The following SGMS1 variants were observed in gnomAD, a reference collection of about 807,000 sequenced individuals.
SGMS1 encodes the protein sphingomyelin synthase 1, also known as phosphatidylcholine:ceramide cholinephosphotransferase 1.
In SGMS1, 13 loss-of-function variants were observed where a neutral mutation model predicts 46.2. The ratio of observed to expected loss-of-function variants is 0.28; its 90% CI spans 0.18 to 0.45. SGMS1 has a LOEUF of 0.45. Among genes scored for constraint, SGMS1 ranks in the 20% least tolerant of loss-of-function variants. The probability of loss-of-function intolerance (pLI) is 1.00; values close to 1 mark genes in which losing one functional copy is unlikely to be tolerated. For missense variants in SGMS1, 324 were observed against 519.9 expected, an observed-to-expected ratio of 0.62 and a Z score of 3.66; for synonymous variants, 203 against 187.8, an observed-to-expected ratio of 1.08 and a Z score of -0.66.
At chr10:50,609,408 G>C (rs893205130) in intron 1 of SGMS1, among the ~76,000 whole-genome samples, 11 of 151,988 alleles carry the variant, frequency 7.2e-5, no homozygotes, top group Admixed American at 7.2e-4. Context: ...CCTGACTCTT[G>C]CCTTGGTAGA....
intron 7 of SGMS1, among the ~76,000 whole-genome samples, chr10:50,338,147 T>C (rs541106601): frequency 9.2e-5 from 14 of 152,298 alleles, no homozygotes; most frequent in African/African-American, 3.1e-4. Flanking sequence ...TCAGAGAAAA[T>C]TGTCACCCAC....
intron 3 of SGMS1, among the ~76,000 whole-genome samples, chr10:50,503,563 A>G (rs1323929041): frequency 2.0e-5 from 3 of 151,898 alleles, no homozygotes; most frequent in African/African-American, 7.3e-5. Flanking sequence ...ACCTACCCAC[A>G]TCTTATAAAA....
chr10:50,485,008 C>T (rs777346907), intron 3 of SGMS1, among the ~76,000 whole-genome samples: 2 of 152,288 alleles, frequency 1.3e-5, no homozygotes, highest in African/African-American at 2.4e-5. Context: ...CCCTCTCTCA[C>T]CACTCGTATT....
At chr10:50,573,787 C>A (rs1838356485) in intron 2 of SGMS1, among the ~76,000 whole-genome samples, 1 of 152,054 alleles carries the variant, frequency 6.6e-6, no homozygotes, top group East Asian at 1.9e-4. Context: ...TATGAAGCTA[C>A]AGTAATGAAA....
intron 3 of SGMS1, among the ~76,000 whole-genome samples, chr10:50,491,224 C>T (rs751659861): frequency 5.2e-4 from 79 of 152,014 alleles, no homozygotes; most frequent in African/African-American, 1.8e-3. Context: ...CATGGCAGTA[C>T]GGGCCTATAG....
intron 3 of SGMS1, among the ~76,000 whole-genome samples, chr10:50,504,590 G>A (rs1837689223): frequency 6.6e-6 from 1 of 152,178 alleles, no homozygotes; most frequent in Non-Finnish European, 1.5e-5. Flanking sequence ...AGGATGGGAA[G>A]ATGGGGTAAT....
At chr10:50,474,839 C>T in intron 3 of SGMS1, among the ~76,000 whole-genome samples, 1 of 152,108 alleles carries the variant, frequency 6.6e-6, no homozygotes, top group African/African-American at 2.4e-5. Flanking sequence ...GATGCTACAA[C>T]CTTAACCATA....
chr10:50,457,577 CCT>C (rs1457030016), intron 5 of SGMS1, among the ~76,000 whole-genome samples: 1 of 152,074 alleles, frequency 6.6e-6, no homozygotes, highest in African/African-American at 2.4e-5. Flanking sequence ...CCTCCCCCAC[CCT>C]CTCTCTCAAG....
chr10:50,589,046 A>G (rs901369800), intron 2 of SGMS1, among the ~76,000 whole-genome samples: 1 of 151,844 alleles, frequency 6.6e-6, no homozygotes, highest in Non-Finnish European at 1.5e-5. Context: ...CTATTTGTGA[A>G]TCTTGATCAG....
chr10:50,456,375 A>G (rs141838305), intron 5 of SGMS1, among the ~76,000 whole-genome samples: 175 of 152,250 alleles, frequency 1.1e-3, no homozygotes, highest in African/African-American at 3.9e-3. Flanking sequence ...TCCCAAGGGA[A>G]ATAAGGAACC....
At chr10:50,370,341 G>A (rs1487299913) in intron 6 of SGMS1, among the ~76,000 whole-genome samples, 5 of 151,520 alleles carry the variant, frequency 3.3e-5, no homozygotes, top group South Asian at 2.1e-4. Context: ...AAACACAAAC[G>A]CATTATACAG....
At chr10:50,474,040 A>G (rs1837399893) in intron 3 of SGMS1, 1 of 152,288 alleles carries the variant, frequency 6.6e-6, no homozygotes, top group Admixed American at 6.5e-5. Flanking sequence ...GCTCAGGACA[A>G]TCATCATGGG....
chr10:50,355,942 A>T (rs113619259), intron 6 of SGMS1, among the ~76,000 whole-genome samples: 13 of 149,856 alleles, frequency 8.7e-5, no homozygotes, highest in African/African-American at 3.0e-4. Flanking sequence ...TCTGGGAGGT[A>T]AGGAGCATCT....
At chr10:50,497,150 ACT>A (rs1195584573) in intron 3 of SGMS1, among the ~76,000 whole-genome samples, 6 of 152,178 alleles carry the variant, frequency 3.9e-5, no homozygotes, top group African/African-American at 1.4e-4. Context: ...AACGATGAGA[ACT>A]CTGCCTCCAC....
intron 5 of SGMS1, among the ~76,000 whole-genome samples, chr10:50,437,871 G>T (rs980222601): frequency 6.7e-6 from 1 of 148,704 alleles, no homozygotes. Flanking sequence ...CAAATGTCTA[G>T]AGAAGAATGT....
At chr10:50,555,196 T>A (rs1401998016) in intron 2 of SGMS1, among the ~76,000 whole-genome samples, 1 of 152,244 alleles carries the variant, frequency 6.6e-6, no homozygotes, top group Non-Finnish European at 1.5e-5. Context: ...TGGAACAAAG[T>A]AATGAATTGT....
At chr10:50,497,662 T>C (rs1837627295) in intron 3 of SGMS1, among the ~76,000 whole-genome samples, 1 of 152,100 alleles carries the variant, frequency 6.6e-6, no homozygotes, top group South Asian at 2.1e-4. Context: ...GACGTGGTGG[T>C]GCATGCCTGT....
intron 2 of SGMS1, among the ~76,000 whole-genome samples, chr10:50,524,504 G>A (rs953236283): frequency 6.6e-6 from 1 of 152,084 alleles, no homozygotes; most frequent in Non-Finnish European, 1.5e-5. Context: ...ACCATTCAAA[G>A]CTGGGTTAGT....
chr10:50,516,303 T>C (rs1365852167), intron 3 of SGMS1, among the ~76,000 whole-genome samples: 1 of 152,226 alleles, frequency 6.6e-6, no homozygotes. Flanking sequence ...GGATGCAGAA[T>C]GTAAGAACAT....
Sources: allele counts gnomAD v4.1 joint callset (sites outside exome capture counted in the v4.1 genomes callset), GRCh38; gene constraint gnomAD v4.1.1; transcripts MANE v1.5; gene names NCBI Gene and HGNC (gene_info 2026-07-23, HGNC 2026-07-21).